SAMMSON: variants seen among roughly 807,000 people sequenced by gnomAD.
SAMMSON encodes survival associated mitochondrial melanoma specific oncogenic non-coding RNA.
In SAMMSON at chr3:70,299,360, G is replaced by A. The variant is rs563147376; in HGVS notation, n.739+8117G>A. 2.0e-5 allele frequency among the ~76,000 whole-genome samples: 3 copies of A among 151,816 alleles called. 1 individual carries two copies. In the South Asian group the frequency reaches 6.2e-4, roughly 32 times the overall value. On this transcript the variant is annotated intron_variant and non_coding_transcript_variant, in intron 7 of 9. Transcript: ENST00000642114. Reference sequence around the variant, plus strand: ...CACACAAATATAAAGCATATAAGATGTACAGTGGCTATCTATGCATGTGGG... The same window carrying A: ...CACACAAATATAAAGCATATAAGATATACAGTGGCTATCTATGCATGTGGG...
At chr3:70,204,542 G>A (rs56306882) in intron 4 of SAMMSON, 31,333 of 152,120 alleles carry the variant, frequency 0.21, 3,744 homozygotes, top group Non-Finnish European at 0.27. Flanking sequence ...AAGGACAAGT[G>A]GACTATCACC....
intron 2 of SAMMSON, among the ~76,000 whole-genome samples, chr3:70,399,166 G>A (rs561560331): frequency 6.6e-6 from 1 of 152,224 alleles, no homozygotes; most frequent in South Asian, 2.1e-4. Flanking sequence ...TTGCTGGTTG[G>A]CAAGCCCACC....
intron 6 of SAMMSON, among the ~76,000 whole-genome samples, chr3:70,256,152 C>T (rs192873774): frequency 9.9e-5 from 15 of 152,254 alleles, no homozygotes; most frequent in Non-Finnish European, 1.5e-4. Flanking sequence ...CCCATGGTTA[C>T]GAATGACTCT....
chr3:70,030,644 G>A (rs930156450), intron 3 of SAMMSON: 14 of 152,146 alleles, frequency 9.2e-5, no homozygotes, highest in African/African-American at 2.7e-4. Flanking sequence ...AGTGGTGGAA[G>A]TGAATTTTAA....
chr3:70,144,316 T>A (rs992293146), intron 4 of SAMMSON, among the ~76,000 whole-genome samples: 2 of 152,064 alleles, frequency 1.3e-5, no homozygotes, highest in African/African-American at 4.8e-5. Context: ...TATAAAATAA[T>A]TCTCTCTCCC....
At position 70,009,777 on chromosome 3, in the gene SAMMSON, G is replaced by A. The variant is rs911064056; in HGVS notation, n.23-2580G>A. ...TCCTGCTTTCTTTTGTGGGCATTTA[G>A]TGCTATAAATTTCCCTCTACACACT... On this transcript the variant is annotated intron_variant and non_coding_transcript_variant, in intron 1 of 9. Transcript: ENST00000642114. Among the ~76,000 whole-genome samples, 68 of 150,664 alleles carry A rather than the reference G, an allele frequency of 4.5e-4. 1 individual carries two copies. Among genetic ancestry groups the A allele is most frequent in the African/African-American group, 1.5e-3 (62 of 40,390 alleles).
chr3:70,010,068 C>T (rs576993176), intron 1 of SAMMSON, among the ~76,000 whole-genome samples: 22 of 152,172 alleles, frequency 1.4e-4, no homozygotes, highest in African/African-American at 5.3e-4. Flanking sequence ...ACTACGTGGT[C>T]AATTTTGGAA....
chr3:70,004,859 T>A (rs1297010192), intron 1 of SAMMSON, among the ~76,000 whole-genome samples: 1 of 151,860 alleles, frequency 6.6e-6, no homozygotes, highest in Non-Finnish European at 1.5e-5. Context: ...ATACATAGAG[T>A]TCATGTTTAA....
intron 4 of SAMMSON, among the ~76,000 whole-genome samples, chr3:70,156,476 G>T (rs1247836863): frequency 6.6e-6 from 1 of 151,944 alleles, no homozygotes; most frequent in Non-Finnish European, 1.5e-5. Context: ...TAACCATGAA[G>T]TTTTATCAAA....
chr3:70,261,576 C>G (rs1441244831), intron 6 of SAMMSON, among the ~76,000 whole-genome samples: 1 of 152,122 alleles, frequency 6.6e-6, no homozygotes, highest in African/African-American at 2.4e-5. Context: ...ACCATGCTCA[C>G]CCTTTTTGGT....
intron 3 of SAMMSON, among the ~76,000 whole-genome samples, chr3:70,019,508 C>T (rs186738008): frequency 3.9e-4 from 59 of 152,258 alleles, no homozygotes; most frequent in African/African-American, 1.3e-3. Context: ...CTGAATACAG[C>T]GCACTGATGG....
chr3:70,104,875 G>T (rs977068032), intron 4 of SAMMSON, among the ~76,000 whole-genome samples: 1 of 152,116 alleles, frequency 6.6e-6, no homozygotes, highest in Non-Finnish European at 1.5e-5. Flanking sequence ...TTAGGATTCT[G>T]TTCCCTTCAA....
intron 4 of SAMMSON, among the ~76,000 whole-genome samples, chr3:70,196,429 T>C (rs1047430490): frequency 6.6e-6 from 1 of 152,178 alleles, no homozygotes; most frequent in South Asian, 2.1e-4. Flanking sequence ...ACTGTATAAA[T>C]AAATTTTTAA....
At chr3:70,067,079 T>C (rs1559784266) in intron 3 of SAMMSON, among the ~76,000 whole-genome samples, 1 of 151,982 alleles carries the variant, frequency 6.6e-6, no homozygotes, top group Non-Finnish European at 1.5e-5. Flanking sequence ...TCTAATCTAA[T>C]AATAAGACCA....
intron 4 of SAMMSON, among the ~76,000 whole-genome samples, chr3:70,089,020 A>C (rs959448915): frequency 4.6e-5 from 7 of 152,162 alleles, no homozygotes; most frequent in Non-Finnish European, 2.9e-5. Flanking sequence ...GGGTCTGCTC[A>C]GGGTCACTGA....
At chr3:70,136,171 A>G (rs1403371637) in intron 4 of SAMMSON, among the ~76,000 whole-genome samples, 1 of 152,150 alleles carries the variant, frequency 6.6e-6, no homozygotes, top group East Asian at 1.9e-4. Context: ...AGCTTCCAAG[A>G]TGGTGCCCAA....
exon 10 of SAMMSON, chr3:70,389,681 T>A (rs943390719): frequency 5.3e-5 from 8 of 152,126 alleles, no homozygotes; most frequent in African/African-American, 1.9e-4. Context: ...TTAAGAAGAC[T>A]GGTCGTTTTT....
intron 4 of SAMMSON, among the ~76,000 whole-genome samples, chr3:70,228,649 T>C (rs1575602019): frequency 6.6e-6 from 1 of 150,796 alleles, no homozygotes; most frequent in African/African-American, 2.4e-5. Context: ...TTTTTTTTAG[T>C]GTGGGGCTAA....
chr3:70,235,578 C>T (rs906406916), intron 4 of SAMMSON, among the ~76,000 whole-genome samples: 4 of 152,180 alleles, frequency 2.6e-5, no homozygotes, highest in African/African-American at 4.8e-5. Flanking sequence ...GTCAGGCTCA[C>T]GGCTCTGTCC....
Sources: allele counts gnomAD v4.1 joint callset (sites outside exome capture counted in the v4.1 genomes callset), GRCh38; gene constraint gnomAD v4.1.1; transcripts MANE v1.5; gene names NCBI Gene and HGNC (gene_info 2026-07-23, HGNC 2026-07-21).